Variants in TMC6 observed in about 807,000 individuals in gnomAD.
TMC6 encodes the protein transmembrane channel-like protein 6.
In TMC6, 71 loss-of-function variants were observed where a neutral mutation model predicts 95.4. That is an observed-to-expected ratio of 0.74 (90% CI 0.61 to 0.91). The LOEUF is 0.91. Among genes scored for constraint, TMC6 ranks in the 40% least tolerant of loss-of-function variants. TMC6 has a pLI of 0.00. For synonymous variants in TMC6, 514 were observed against 483.1 expected (o/e 1.06, Z -0.84); for missense variants, 1,074 against 1,079.1 (o/e 1.00, Z 0.07).
chr17:78,121,702 C>T lies in TMC6; in HGVS notation c.1237G>A (p.Ala413Thr). The change falls in exon 11 of 20, where the codon GCC (alanine) becomes ACC (threonine). Residue 413 changes from alanine (A) to threonine (T), a missense_variant. Physicochemically the swap from Ala to Thr is moderately conservative, Grantham distance 58 (BLOSUM62 0). Transcript: ENST00000590602. The surrounding 1 kb of genome is among the most constrained non-coding windows in gnomAD (Gnocchi z 5.6). ...GGGCTGTGCCGCAGCTGCCACTCGG[C>T]CAGCAGCTCCTGCAGGCGGCACCGT... ...NIRTRLKELL[A>T]EWQLRHSPRS... 1 of 1,586,434 alleles carries T rather than the reference C, an allele frequency of 6.3e-7. No individual in the cohort carries two copies.
At position 78,119,015 on chromosome 17, in the gene TMC6, CG is replaced by C; in HGVS notation, c.1842del (p.Ala615ProfsTer34). 1.2e-6 allele frequency: 2 copies of C among 1,603,772 alleles called. No individual in the cohort carries two copies. The highest frequency in any genetic ancestry group is 1.7e-5 in the Admixed American group (1 of 58,728). On this transcript the variant is annotated frameshift_variant, in exon 15 of 20. Coordinates refer to ENST00000590602, the MANE Select transcript of TMC6 (RefSeq NM_001127198.5). LOFTEE classifies it high-confidence loss of function. ...AGCAGCAGCTTGATGATCTGCACGG[CG>C]GGGAGGAGGGGCGAGAAGAGCACCC... ...WLGVLFSPLL[P>X]AVQIIKLLLV...
Position 78,128,747 on chromosome 17 carries a change from C to G in TMC6, c.-210G>C, listed in dbSNP as rs991258333. On this transcript the variant is annotated 5_prime_UTR_variant, in exon 1 of 20. Coordinates refer to ENST00000590602, the MANE Select transcript of TMC6 (RefSeq NM_001127198.5). The surrounding 1 kb of genome is among the most constrained non-coding windows in gnomAD (Gnocchi z 4.0). Reference sequence around the variant, plus strand: ...GGGCCCCAGGGGCGACTGGGCCAGTCGCAGGTCTGCCGGGGCCGGGGGAGT... The same window carrying G: ...GGGCCCCAGGGGCGACTGGGCCAGTGGCAGGTCTGCCGGGGCCGGGGGAGT... 14 of 130,276 alleles carry G rather than the reference C, an allele frequency of 1.1e-4. No homozygotes were observed. Among genetic ancestry groups the G allele is most frequent in the Non-Finnish European group, 2.2e-4 (14 of 62,904 alleles). 8.1% of individuals were successfully genotyped at this position (130,276 alleles called of 1,614,324 possible).
upstream of TMC6, chr17:78,132,126 C>G (rs1395679045): frequency 1.3e-6 from 2 of 1,517,074 alleles, no homozygotes; most frequent in South Asian, 1.2e-5. Flanking sequence ...CCTGCCTTCA[C>G]CCGGGTCCCC....
intron 13 of TMC6, 136 bp downstream of exon 13, chr17:78,120,517 T>C: frequency 7.4e-7 from 1 of 1,349,570 alleles, no homozygotes; most frequent in Non-Finnish European, 1.1e-6. Flanking sequence ...TTCGGTTCTA[T>C]TTCCTGAGTC....
chr17:78,111,894 G>A lies in TMC6; in HGVS notation c.*1254C>T, dbSNP rs1202897312. Reference sequence around the variant, plus strand: ...CCACAAGCCTGGAACCCTGCGCCGTGACGGGCTGGTCCCCACAGACCTGGA... The same window carrying A: ...CCACAAGCCTGGAACCCTGCGCCGTAACGGGCTGGTCCCCACAGACCTGGA... On this transcript the variant is annotated 3_prime_UTR_variant, in exon 20 of 20. Coordinates refer to ENST00000590602, the MANE Select transcript of TMC6 (RefSeq NM_001127198.5). The A allele has an allele frequency of 6.1e-5, 14 of 228,588 alleles. No homozygotes were observed. 14.2% of individuals were successfully genotyped at this position (228,588 alleles called of 1,614,324 possible). A position where few individuals can be genotyped will look rare whatever the true frequency, so the allele number is the denominator to read the frequency against.
At position 78,113,086 on chromosome 17, in the gene TMC6, C is replaced by G; in HGVS notation, c.*62G>C. The G allele has an allele frequency of 6.5e-7, 1 of 1,536,702 alleles. No individual in the cohort carries two copies. Among genetic ancestry groups the G allele is most frequent in the Non-Finnish European group, 8.8e-7 (1 of 1,134,676 alleles). On this transcript the variant is annotated 3_prime_UTR_variant, in exon 20 of 20. Transcript: ENST00000590602. ...TTGTCCTGGTGTCCCAGCAGGGTCA[C>G]TGGGAGGCAACAGTGTGGTCTCAGG...
At chr17:78,115,132 TAC>T (rs1406397738) in intron 18 of TMC6, among the ~76,000 whole-genome samples, 3 of 152,224 alleles carry the variant, frequency 2.0e-5, no homozygotes, top group African/African-American at 4.8e-5. Flanking sequence ...CAGTGTGTAC[TAC>T]AGTGTTTACA....
rs1312492355 is a variant in TMC6 at position 78,122,341 on chromosome 17, C to G, written c.1227+264G>C. On this transcript the variant is annotated intron_variant, in intron 10 of 19. Coordinates refer to ENST00000590602, the MANE Select transcript of TMC6 (RefSeq NM_001127198.5). This position sits in a 1 kb window ranked among gnomAD's most constrained non-coding sequence, Gnocchi z 4.9. ...GGGCCTGAGGCCTCAGGGCTGGCTC[C>G]CGGGTGCCCACGGGGCCATGGCGCT... Among the ~76,000 whole-genome samples, 1 of 151,948 alleles carries G rather than the reference C, an allele frequency of 6.6e-6. No individual in the cohort carries two copies. Among genetic ancestry groups the G allele is most frequent in the Non-Finnish European group, 1.5e-5 (1 of 67,974 alleles).
Position 78,119,405 on chromosome 17 carries a change from AC to A in TMC6, c.1716-14del. The A allele has an allele frequency of 1.2e-6, 2 of 1,613,200 alleles. No individual in the cohort carries two copies. Among genetic ancestry groups the A allele is most frequent in the Non-Finnish European group, 1.7e-6 (2 of 1,179,818 alleles). ...CTCGGAGATAATCCTGCCTCCGAGG[AC>A]CCCGGATCGTTAGATGGGAAAGCCA... On this transcript the variant is annotated splice_polypyrimidine_tract_variant and intron_variant, in intron 13 of 19. Coordinates refer to ENST00000590602, the MANE Select transcript of TMC6 (RefSeq NM_001127198.5).
Position 78,122,844 on chromosome 17 carries a change from C to T in TMC6, c.1083-95G>A. ...CCGGATGCTCTGGGCAGCCAGACCC[C>T]ACCACCCACTCAGGAGCCATCTGGG... On this transcript the variant is annotated intron_variant, in intron 9 of 19. Transcript: ENST00000590602. This position sits in a 1 kb window ranked among gnomAD's most constrained non-coding sequence, Gnocchi z 4.9. The T allele has an allele frequency of 6.5e-7, 1 of 1,531,674 alleles. No individual in the cohort carries two copies. Among genetic ancestry groups the T allele is most frequent in the South Asian group, 1.2e-5 (1 of 83,988 alleles). The allele number at this position is 1,531,674 out of a possible 1,614,324, so 94.9% of individuals were successfully genotyped here. A position where few individuals can be genotyped will look rare whatever the true frequency, so the allele number is the denominator to read the frequency against.
At position 78,117,260 on chromosome 17, in the gene TMC6, G is replaced by C. The variant is rs1185653074; in HGVS notation, c.2277+9C>G. 1 of 1,613,226 alleles carries C rather than the reference G, an allele frequency of 6.2e-7. No individual in the cohort carries two copies. Among genetic ancestry groups the C allele is most frequent in the Non-Finnish European group, 8.5e-7 (1 of 1,179,934 alleles). On this transcript the variant is annotated intron_variant, in intron 18 of 19. Transcript: ENST00000590602. ...TGGGGGCTGAGAGCAGCCCAGGAGG[G>C]GCACTCACATTGCTGATCTGCTCCT...
rs1175719407 is a variant in TMC6, at chr17:78,122,768, AG to A, written c.1083-20del. The A allele has an allele frequency of 1.9e-6, 3 of 1,606,140 alleles. No individual in the cohort carries two copies. The highest frequency in any genetic ancestry group is 2.5e-6 in the Non-Finnish European group (3 of 1,177,770). On this transcript the variant is annotated intron_variant, in intron 9 of 19. Transcript: ENST00000590602. This position sits in a 1 kb window ranked among gnomAD's most constrained non-coding sequence, Gnocchi z 4.9. ...AGCCATGCTGGGGAGAAGCAGACAC[AG>A]ACATGGCAACCAACAAGCTGACGGG...
At position 78,119,269 on chromosome 17, in the gene TMC6, C is replaced by T. The variant is rs769413318; in HGVS notation, c.1811+28G>A. 10 of 1,613,042 alleles carry T rather than the reference C, an allele frequency of 6.2e-6. No individual in the cohort carries two copies. The East Asian group carries it at 2.0e-4, about 32-fold the overall frequency. ...AAGGGGCACTGACCGAGGGGCCAGA[C>T]AGTAGGAGGCAAGCAGAGGACCCTC... On this transcript the variant is annotated intron_variant, in intron 14 of 19. Transcript: ENST00000590602.
chr17:78,126,137 G>A (rs1568002754), intron 4 of TMC6, 140 bp downstream of exon 4: 1 of 1,292,696 alleles, frequency 7.7e-7, no homozygotes, highest in African/African-American at 1.5e-5. Flanking sequence ...GGATGGGCTA[G>A]GAGCCCGCCC....
chr17:78,116,165 C>T (rs192877625), intron 18 of TMC6, among the ~76,000 whole-genome samples: 18 of 151,896 alleles, frequency 1.2e-4, no homozygotes, highest in Non-Finnish European at 2.1e-4. Flanking sequence ...TTAGTAGAGA[C>T]GGGGTTTTGC....
At chr17:78,131,625 C>T (rs1289204777), upstream of TMC6, 7 of 1,552,272 alleles carry the variant, frequency 4.5e-6, no homozygotes, top group Non-Finnish European at 6.1e-6. Context: ...GGAGCGGGCC[C>T]CTGGGGTGCC....
Position 78,121,908 on chromosome 17 carries a change from C to T in TMC6, c.1228-197G>A, listed in dbSNP as rs2074433301. Among the ~76,000 whole-genome samples the T allele has an allele frequency of 6.6e-6, 1 of 152,144 alleles. No individual in the cohort carries two copies. Among genetic ancestry groups the T allele is most frequent in the South Asian group, 2.1e-4 (1 of 4,832 alleles). ...TCCAGGCGCAGAGAGGACCCAGTCC[C>T]CCTGCCGAGAGGCCCCTGTGCCTGG... On this transcript the variant is annotated intron_variant, in intron 10 of 19. Transcript: ENST00000590602. This position sits in a 1 kb window ranked among gnomAD's most constrained non-coding sequence, Gnocchi z 5.6.
rs987312855 is a variant in TMC6, at chr17:78,121,646, C to A, written c.1293G>T (p.Ala431=). 27 of 1,604,772 alleles carry A rather than the reference C, an allele frequency of 1.7e-5. No homozygotes were observed. The highest frequency in any genetic ancestry group is 2.2e-5 in the Non-Finnish European group (26 of 1,177,584). ...GCAGCCACACAAGCCCCAGCACAGCCGCCTGCCGCAGCCTCCCGCACACGC... is the reference window on the plus strand; with the variant it reads ...GCAGCCACACAAGCCCCAGCACAGCAGCCTGCCGCAGCCTCCCGCACACGC... ...PRSVCGRLRQ[A]AVLGLVWLLC... is the part of the protein sequence containing the mutation. Residue 431 remains alanine, a synonymous_variant, in exon 11 of 20, where the codon GCG becomes GCT. Transcript: ENST00000590602. This position sits in a 1 kb window ranked among gnomAD's most constrained non-coding sequence, Gnocchi z 5.6.
upstream of TMC6, chr17:78,131,777 T>C (rs765073018): frequency 6.5e-7 from 1 of 1,548,796 alleles, no homozygotes; most frequent in South Asian, 1.2e-5. Context: ...GTGGGGGGGG[T>C]GCTGCGAGGC....
Sources: allele counts gnomAD v4.1 joint callset (sites outside exome capture counted in the v4.1 genomes callset), GRCh38; gene constraint gnomAD v4.1.1; non-coding constraint Gnocchi (gnomAD v3.1); transcripts MANE v1.5; gene names NCBI Gene and HGNC (gene_info 2026-07-23, HGNC 2026-07-21).